The following UNC80 variants were observed in gnomAD, a reference collection of about 807,000 sequenced individuals.
The protein encoded by UNC80 is unc-80 subunit of NALCN channel complex, also known as protein unc-80 homolog.
Under a neutral mutation model 384.6 loss-of-function variants are expected in UNC80, and 164 were observed. That is an observed-to-expected ratio of 0.43 (90% CI 0.38 to 0.49). The LOEUF (loss-of-function observed/expected upper bound fraction) is 0.49. Among genes scored for constraint, UNC80 ranks in the 20% least tolerant of loss-of-function variants. The pLI, the probability that UNC80 is intolerant of heterozygous loss-of-function variation, is 0.00. For synonymous variants in UNC80, 1,486 were observed against 1,527.8 expected (o/e 0.97, Z 0.64); for missense variants, 3,330 against 4,143.0 (o/e 0.80, Z 5.39).
chr2:209,864,873 G>A (rs1045325127), intron 22 of UNC80, among the ~76,000 whole-genome samples: 3 of 152,218 alleles, frequency 2.0e-5, no homozygotes, highest in Admixed American at 1.3e-4. Flanking sequence ...AGTGCTGGTC[G>A]CTTCTCCCAC....
intron 49 of UNC80, 122 bp downstream of exon 49, chr2:209,957,858 A>G: frequency 1.2e-6 from 1 of 859,686 alleles, no homozygotes; most frequent in Non-Finnish European, 1.7e-6. Flanking sequence ...TCCAAGGAAA[A>G]GAAAAGAAGG....
intron 42 of UNC80, among the ~76,000 whole-genome samples, chr2:209,938,726 G>T (rs2091425879): frequency 6.6e-6 from 1 of 151,530 alleles, no homozygotes; most frequent in Non-Finnish European, 1.5e-5. Context: ...GTGTGTGTGT[G>T]TGTGTGTGTG....
intron 29 of UNC80, among the ~76,000 whole-genome samples, chr2:209,911,136 G>A (rs2124939663): frequency 6.6e-6 from 1 of 152,146 alleles, no homozygotes; most frequent in South Asian, 2.1e-4. Context: ...GAGAGAGAAT[G>A]AGTGCAAGCA....
At chr2:209,815,696 TTTCAACTCATTTTTGG>T (rs1207869043) in intron 9 of UNC80, among the ~76,000 whole-genome samples, 1 of 152,216 alleles carries the variant, frequency 6.6e-6, no homozygotes, top group African/African-American at 2.4e-5. Flanking sequence ...TGATGGTAAC[TTTCAACTCATTTTTGG>T]TTCAACTCAT....
chr2:209,834,517 C>A (rs946905097), intron 17 of UNC80, among the ~76,000 whole-genome samples: 2 of 152,148 alleles, frequency 1.3e-5, no homozygotes, highest in African/African-American at 4.8e-5. Context: ...TTACTGATGC[C>A]ATATGATCCT....
At position 209,865,565 on chromosome 2, in the gene UNC80, G is replaced by A. The variant is rs530166113; in HGVS notation, c.3628-7193G>A. ...TGCAGTGAGCCGAGATCCCGCCACT[G>A]CACTCCAGCTCCGTCTCAGAAAAAA... On this transcript the variant is annotated intron_variant, in intron 22 of 64. Coordinates refer to ENST00000673920, the MANE Select transcript of UNC80 (RefSeq NM_001371986.1). Among the ~76,000 whole-genome samples, 201 of 149,244 alleles carry A rather than the reference G, an allele frequency of 1.3e-3. 1 individual carries two copies. The highest frequency in any genetic ancestry group is 4.6e-3 in the African/African-American group (184 of 40,416).
At chr2:209,907,743 T>C (rs1237549792) in intron 29 of UNC80, among the ~76,000 whole-genome samples, 1 of 152,202 alleles carries the variant, frequency 6.6e-6, no homozygotes, top group African/African-American at 2.4e-5. Flanking sequence ...TGAGGAAGTC[T>C]TTCACATTTT....
In UNC80 at chr2:209,825,941, C is replaced by G. The variant is rs1450867496; in HGVS notation, c.2366C>G (p.Ala789Gly). Residue 789 changes from alanine (A) to glycine (G), a missense_variant, in exon 14 of 65, where the codon GCT becomes GGT. Ala to Gly is a moderately conservative substitution (Grantham distance 60). This residue lies in a region of UNC80 where 937 missense variants were observed against 1,026.8 expected (regional missense o/e 0.91). Coordinates refer to ENST00000673920, the MANE Select transcript of UNC80 (RefSeq NM_001371986.1). ...ESTPVSNHRL[A>G]LTMLIKIVKS... ...ACACCTGTAAGCAACCATAGGCTTGCTCTAACAATGCTCATCAAAATAGTG... is the reference window on the plus strand; with the variant it reads ...ACACCTGTAAGCAACCATAGGCTTGGTCTAACAATGCTCATCAAAATAGTG... 1.3e-6 allele frequency: 2 copies of G among 1,550,580 alleles called. No individual in the cohort carries two copies. The highest frequency in any genetic ancestry group is 2.4e-5 in the South Asian group (2 of 83,840).
At chr2:209,852,396 G>T (rs997790362) in intron 22 of UNC80, among the ~76,000 whole-genome samples, 1 of 152,090 alleles carries the variant, frequency 6.6e-6, no homozygotes, top group Non-Finnish European at 1.5e-5. Flanking sequence ...GATGGTGGTG[G>T]TGGTGGTTGG....
In UNC80 at chr2:209,825,984, C is replaced by A; in HGVS notation, c.2409C>A (p.Ala803=). The part of the protein sequence containing the change: ...LIKIVKSLGC[A]YGCGEGHRGL... ...AAATAGTGAAGTCTTTGGGATGTGC[C>A]TATGGTTGTGGTGAAGGACACCGAG... Residue 803 remains alanine, a synonymous_variant, in exon 14 of 65, where the codon GCC becomes GCA. Transcript: ENST00000673920. 6.4e-7 allele frequency: 1 copy of A among 1,550,812 alleles called. No individual in the cohort carries two copies. Among genetic ancestry groups the A allele is most frequent in the Non-Finnish European group, 8.7e-7 (1 of 1,146,460 alleles).
intron 2 of UNC80, among the ~76,000 whole-genome samples, chr2:209,775,364 A>G (rs1298407622): frequency 6.6e-6 from 1 of 152,178 alleles, no homozygotes; most frequent in Non-Finnish European, 1.5e-5. Context: ...GGCATTAGGT[A>G]GAGAGTGTTC....
At chr2:209,933,475 A>C (rs2091035562) in intron 38 of UNC80, among the ~76,000 whole-genome samples, 1 of 147,940 alleles carries the variant, frequency 6.8e-6, no homozygotes, top group African/African-American at 2.5e-5. Flanking sequence ...GACATAATCC[A>C]AGCTGCAAAT....
intron 7 of UNC80, among the ~76,000 whole-genome samples, chr2:209,803,366 G>T (rs1559115736): frequency 6.6e-6 from 1 of 152,114 alleles, no homozygotes; most frequent in Non-Finnish European, 1.5e-5. Flanking sequence ...CTCCACAAGG[G>T]TTTCATTTTA....
rs148484278 is a variant in UNC80 at position 209,839,382 on chromosome 2, T to G, written c.3202T>G (p.Ser1068Ala). Residue 1068 changes from serine to alanine, a missense_variant, in exon 19 of 65, where the codon TCA becomes GCA. Transcript: ENST00000673920. The surrounding 1 kb of genome is among the most constrained non-coding windows in gnomAD (Gnocchi z 4.1). ...GACCACCTCTGACCGACGTGCCCGC[T>G]CACGATCCCGCAGAATTTCCCTCCG... ...SGTTSDRRAR[S>A]RSRRISLRKK... 2.6e-3 allele frequency: 4,050 copies of G among 1,552,012 alleles called. 99 individuals are homozygous for G. In the African/African-American group the frequency reaches 0.044, roughly 17 times the overall value.
intron 4 of UNC80, among the ~76,000 whole-genome samples, chr2:209,780,274 C>G (rs2077084338): frequency 6.6e-6 from 1 of 152,108 alleles, no homozygotes; most frequent in African/African-American, 2.4e-5. Context: ...ATACAAAATA[C>G]TACACAGTGA....
intron 51 of UNC80, among the ~76,000 whole-genome samples, 196 bp downstream of exon 51, chr2:209,959,903 C>T (rs75632611): frequency 0.031 from 4,708 of 152,200 alleles, 149 homozygotes; most frequent in South Asian, 0.14. Flanking sequence ...AGGATCTTAG[C>T]GTGGACAAGG....
rs185054556 is a variant in UNC80 at position 209,773,060 on chromosome 2, T to C, written c.93-34T>C. 1.2e-4 allele frequency: 178 copies of C among 1,538,762 alleles called. No homozygotes were observed. The East Asian group carries it at 3.7e-3, about 32-fold the overall frequency. On this transcript the variant is annotated intron_variant, in intron 1 of 64. Coordinates refer to ENST00000673920, the MANE Select transcript of UNC80 (RefSeq NM_001371986.1). ...GATGCTTTAATAATAATTTTACTTATGTTTATTAACAAATATCTCTATTAA... is the reference window on the plus strand; with the variant it reads ...GATGCTTTAATAATAATTTTACTTACGTTTATTAACAAATATCTCTATTAA...
At chr2:209,980,982 A>G (rs2093143425) in intron 59 of UNC80, among the ~76,000 whole-genome samples, 1 of 152,240 alleles carries the variant, frequency 6.6e-6, no homozygotes, top group South Asian at 2.1e-4. Flanking sequence ...CTAAAAAGAA[A>G]ATATCATTCT....
At chr2:209,856,547 T>G (rs2082935048) in intron 22 of UNC80, among the ~76,000 whole-genome samples, 4 of 152,158 alleles carry the variant, frequency 2.6e-5, no homozygotes, top group Admixed American at 2.6e-4. Flanking sequence ...TATTAAAGAT[T>G]AACTTTCACA....
Sources: gnomAD v4.1 joint callset for allele counts (sites outside exome capture counted in the v4.1 genomes callset) on GRCh38, gnomAD v4.1.1 for gene constraint, gnomAD v4.1.1 regional missense constraint, Gnocchi (gnomAD v3.1) non-coding constraint, MANE v1.5 for transcripts, NCBI Gene and HGNC (gene_info 2026-07-23, HGNC 2026-07-21) for gene names.